The following RNASEK variants were observed in gnomAD, a reference collection of about 807,000 sequenced individuals.
RNASEK encodes the protein ribonuclease K, also known as ribonuclease kappa.
In RNASEK, 7 loss-of-function variants were observed where a neutral mutation model predicts 11.2. The observed-to-expected ratio is 0.62, with a 90% CI of 0.35 to 1.17. The LOEUF is 1.17. Among genes scored for constraint, RNASEK ranks in the 50% most tolerant of loss-of-function variants. The probability of loss-of-function intolerance (pLI) is 0.02; values close to 1 mark genes in which losing one functional copy is unlikely to be tolerated. For synonymous variants in RNASEK, 46 were observed against 49.5 expected, an observed-to-expected ratio of 0.93 and a Z score of 0.30; for missense variants, 101 against 126.7, an observed-to-expected ratio of 0.80 and a Z score of 0.97.
At position 7,012,631 on chromosome 17, in the gene RNASEK, C is replaced by T. The variant is rs1250197814; in HGVS notation, c.-53C>T. On this transcript the variant is annotated 5_prime_UTR_variant, in exon 1 of 3. Coordinates refer to ENST00000593646, the MANE Select transcript of RNASEK (RefSeq NM_001004333.5). ...CCTGCGAGGGCATCCTGGGCTTTCT[C>T]CCACCGCTTTCCGAGCCCGCTTGCA... is the stretch of plus-strand genomic sequence containing the variant. 2 of 1,604,336 alleles carry T rather than the reference C, an allele frequency of 1.2e-6. No individual in the cohort carries two copies. The highest frequency in any genetic ancestry group is 1.7e-6 in the Non-Finnish European group (2 of 1,178,090).
At chr17:7,013,297 T>C (rs1909555639) in intron 1 of RNASEK, 5 of 1,482,696 alleles carry the variant, frequency 3.4e-6, no homozygotes, top group Non-Finnish European at 4.5e-6. Context: ...CAGAAATGTG[T>C]AGCTGGGCCT....
At chr17:7,013,136 A>C (rs182066807) in intron 1 of RNASEK, 1 of 480,042 alleles carries the variant, frequency 2.1e-6, no homozygotes, top group East Asian at 4.0e-5. Context: ...AAAGAAAAAG[A>C]AAAAAGGGAA....
At chr17:7,013,835 G>A (rs546290428) in intron 2 of RNASEK, 93 bp downstream of exon 2, 180 of 1,035,770 alleles carry the variant, frequency 1.7e-4, no homozygotes, top group African/African-American at 5.8e-4. Flanking sequence ...GGTGCTTAGG[G>A]CCCCTAGGTT....
In RNASEK at chr17:7,012,648, C is replaced by T. The variant is rs1400681488; in HGVS notation, c.-36C>T. On this transcript the variant is annotated 5_prime_UTR_variant, in exon 1 of 3. Coordinates refer to ENST00000593646, the MANE Select transcript of RNASEK (RefSeq NM_001004333.5). Reference sequence around the variant, plus strand: ...GGCTTTCTCCCACCGCTTTCCGAGCCCGCTTGCACCTCGGCGATCCCCGAC... The same window carrying T: ...GGCTTTCTCCCACCGCTTTCCGAGCTCGCTTGCACCTCGGCGATCCCCGAC... The T allele has an allele frequency of 8.7e-6, 14 of 1,610,188 alleles. No individual in the cohort carries two copies. Among genetic ancestry groups the T allele is most frequent in the Non-Finnish European group, 1.1e-5 (13 of 1,179,588 alleles).
At position 7,014,319 on chromosome 17, in the gene RNASEK, C is replaced by T; in HGVS notation, c.*33C>T. On this transcript the variant is annotated 3_prime_UTR_variant, in exon 3 of 3. Transcript: ENST00000593646. This position sits in a 1 kb window ranked among gnomAD's most constrained non-coding sequence, Gnocchi z 4.5. ...GCGCGTTTCCCCGCTCCAGCCCCTCCTCTATTTAAAGACTCCCTGCACCGT... is the reference window on the plus strand; with the variant it reads ...GCGCGTTTCCCCGCTCCAGCCCCTCTTCTATTTAAAGACTCCCTGCACCGT... 1 of 1,612,030 alleles carries T rather than the reference C, an allele frequency of 6.2e-7. No individual in the cohort carries two copies. Among genetic ancestry groups the T allele is most frequent in the Non-Finnish European group, 8.5e-7 (1 of 1,179,186 alleles).
In RNASEK at chr17:7,013,015, C is replaced by T. The variant is rs555719837; in HGVS notation, c.78+254C>T. Reference sequence around the variant, plus strand: ...TGGCGCCCGCCTGTAATCCCAGCTACTCAGGAGGCTGAGGCAGGAGAATCG... The same window carrying T: ...TGGCGCCCGCCTGTAATCCCAGCTATTCAGGAGGCTGAGGCAGGAGAATCG... On this transcript the variant is annotated intron_variant, in intron 1 of 2. Coordinates refer to ENST00000593646, the MANE Select transcript of RNASEK (RefSeq NM_001004333.5). The T allele has an allele frequency of 3.7e-5, 19 of 512,186 alleles. No individual in the cohort carries two copies. The East Asian group carries it at 4.7e-4, about 13-fold the overall frequency. The allele number at this position is 512,186 out of a possible 1,614,324, so 31.7% of individuals were successfully genotyped here.
chr17:7,012,698 G>C lies in RNASEK; in HGVS notation c.15G>C (p.Leu5=). 1 of 1,613,298 alleles carries C rather than the reference G, an allele frequency of 6.2e-7. No individual in the cohort carries two copies. The highest frequency in any genetic ancestry group is 8.5e-7 in the Non-Finnish European group (1 of 1,179,820). The change falls in exon 1 of 3, where the codon CTG becomes CTC. Residue 5 remains leucine, a synonymous_variant. Transcript: ENST00000593646. MASL[L]CCGPKLAACG... is the part of the protein sequence containing the mutation. The stretch of plus-strand genomic sequence containing the variant: ...CTCCCTTCTTTATGGCGTCGCTCCT[G>C]TGCTGTGGGCCGAAGCTGGCCGCCT...
chr17:7,013,428 C>G, intron 1 of RNASEK: 1 of 1,536,402 alleles, frequency 6.5e-7, no homozygotes. Context: ...GGACGATAAT[C>G]TGGGTTCCTG....
chr17:7,013,552 TTTGG>T (rs756272344), intron 1 of RNASEK, 110 bp from the exon 2 acceptor site: 1 of 1,607,546 alleles, frequency 6.2e-7, no homozygotes. Context: ...ACCACCTCGT[TTTGG>T]TTAATCTCAG....
chr17:7,014,078 C>CACAT lies in RNASEK; in HGVS notation c.156-65_156-62dup, dbSNP rs1310249560. On this transcript the variant is annotated intron_variant, in intron 2 of 2. Transcript: ENST00000593646. The surrounding 1 kb of genome is among the most constrained non-coding windows in gnomAD (Gnocchi z 4.5). ...TAACAGCGCCTAAACAGGTGTCGGG[C>CACAT]ACATAGTGCTCAGAAAATGTTGGCT... is the stretch of plus-strand genomic sequence containing the variant. 1.2e-5 allele frequency: 17 copies of CACAT among 1,441,270 alleles called. No individual in the cohort carries two copies. In the African/African-American group the frequency reaches 2.3e-4, roughly 19 times the overall value. 89.3% of individuals were successfully genotyped at this position (1,441,270 alleles called of 1,614,324 possible).
Position 7,012,776 on chromosome 17 carries a change from C to T in RNASEK, c.78+15C>T. The T allele has an allele frequency of 6.2e-7, 1 of 1,609,540 alleles. No individual in the cohort carries two copies. The highest frequency in any genetic ancestry group is 1.3e-5 in the African/African-American group (1 of 75,016). ...TGATCATGTTGGTGAGGGGACTCCC[C>T]GGCAAGGATCGGAGAGGGCCTGAGG... On this transcript the variant is annotated intron_variant, in intron 1 of 2. Coordinates refer to ENST00000593646, the MANE Select transcript of RNASEK (RefSeq NM_001004333.5).
At position 7,014,523 on chromosome 17, in the gene RNASEK, G is replaced by A; in HGVS notation, c.*237G>A. 3.3e-6 allele frequency: 2 copies of A among 609,050 alleles called. No individual in the cohort carries two copies. Among genetic ancestry groups the A allele is most frequent in the Non-Finnish European group, 5.8e-6 (2 of 345,196 alleles). The allele number at this position is 609,050 out of a possible 1,614,324, so 37.7% of individuals were successfully genotyped here. On this transcript the variant is annotated 3_prime_UTR_variant, in exon 3 of 3. Transcript: ENST00000593646. This position sits in a 1 kb window ranked among gnomAD's most constrained non-coding sequence, Gnocchi z 4.5. The stretch of plus-strand genomic sequence containing the variant: ...TCCCGTATCTCAATAAAGAGAATCT[G>A]CTCTCTTCAGCCCTGTGTCTGTGCT...
At chr17:7,013,373 C>T (rs1289322232) in intron 1 of RNASEK, 1 of 1,533,618 alleles carries the variant, frequency 6.5e-7, no homozygotes, top group South Asian at 1.2e-5. Context: ...GCCGGTTCTC[C>T]CTCCCCTCTT....
Position 7,014,221 on chromosome 17 carries a change from C to A in RNASEK, c.232C>A (p.Leu78Ile). The change falls in exon 3 of 3, where the codon CTC (leucine) becomes ATC (isoleucine). Residue 78 changes from leucine (L) to isoleucine (I), a missense_variant. Physicochemically the swap from Leu to Ile is conservative, Grantham distance 5 (BLOSUM62 2). Coordinates refer to ENST00000593646, the MANE Select transcript of RNASEK (RefSeq NM_001004333.5). The surrounding 1 kb of genome is among the most constrained non-coding windows in gnomAD (Gnocchi z 4.5). ...TTTCATCGCTGCAGGCCTTTACCTC[C>A]TCCTCGGAGGCTTCTCTTTCTGCCA... is the stretch of plus-strand genomic sequence containing the variant. ...NCFIAAGLYL[L>I]LGGFSFCQVR... 1 of 1,611,616 alleles carries A rather than the reference C, an allele frequency of 6.2e-7. No individual in the cohort carries two copies. Among genetic ancestry groups the A allele is most frequent in the East Asian group, 2.2e-5 (1 of 44,794 alleles).
rs1909659278 is a variant in RNASEK, at chr17:7,014,403, C to T, written c.*117C>T. 1.5e-5 allele frequency: 16 copies of T among 1,069,274 alleles called. No individual in the cohort carries two copies. The highest frequency in any genetic ancestry group is 2.0e-5 in the Non-Finnish European group (15 of 737,542). 66.2% of individuals were successfully genotyped at this position (1,069,274 alleles called of 1,614,324 possible). A position where few individuals can be genotyped will look rare whatever the true frequency, so the allele number is the denominator to read the frequency against. ...CCTCTGCGGGACTGGGTTTCCCGGG[C>T]GAGAGACTGAATCCCTTCTCCCATC... On this transcript the variant is annotated 3_prime_UTR_variant, in exon 3 of 3. Coordinates refer to ENST00000593646, the MANE Select transcript of RNASEK (RefSeq NM_001004333.5). The surrounding 1 kb of genome is among the most constrained non-coding windows in gnomAD (Gnocchi z 4.5).
chr17:7,013,327 CCA>C, intron 1 of RNASEK: 1 of 1,519,836 alleles, frequency 6.6e-7, no homozygotes, highest in Non-Finnish European at 8.8e-7. Context: ...AGTAATCCAC[CCA>C]CCGCCACTTC....
chr17:7,013,274 A>C (rs1909554912), intron 1 of RNASEK: 2 of 1,379,902 alleles, frequency 1.4e-6, no homozygotes, highest in African/African-American at 2.9e-5. Flanking sequence ...GGAGGAAAAG[A>C]GAGTGCTTGT....
chr17:7,013,497 C>T, intron 1 of RNASEK, 169 bp from the exon 2 acceptor site: 1 of 1,567,662 alleles, frequency 6.4e-7, no homozygotes, highest in Non-Finnish European at 8.6e-7. Flanking sequence ...TCAATGTCAC[C>T]ACCTCACGCC....
In RNASEK at chr17:7,013,686, C is replaced by T; in HGVS notation, c.99C>T (p.Phe33=). The T allele has an allele frequency of 6.2e-7, 1 of 1,609,008 alleles. No homozygotes were observed. Among genetic ancestry groups the T allele is most frequent in the African/African-American group, 1.3e-5 (1 of 74,850 alleles). The change falls in exon 2 of 3, where the codon TTC becomes TTT. Residue 33 remains phenylalanine, a synonymous_variant. Coordinates refer to ENST00000593646, the MANE Select transcript of RNASEK (RefSeq NM_001004333.5). The part of the protein sequence containing the change: ...VIMLIMLGIF[F]NVHSAVLIED... ...TCCAGATAATGCTCGGAATATTTTT[C>T]AATGTCCATTCCGCTGTGTTGATTG...
Sources: allele counts gnomAD v4.1 joint callset, GRCh38; gene constraint gnomAD v4.1.1; non-coding constraint Gnocchi (gnomAD v3.1); transcripts MANE v1.5; gene names NCBI Gene and HGNC (gene_info 2026-07-23, HGNC 2026-07-21).